SAMTOR: variants seen among roughly 807,000 people sequenced by gnomAD.
SAMTOR encodes the protein S-adenosylmethionine sensor upstream of mTORC1.
the SAMTOR span, among the ~76,000 whole-genome samples, chr7:112,894,553 C>T: frequency 6.6e-6 from 1 of 152,252 alleles, no homozygotes; most frequent in East Asian, 1.9e-4. Flanking sequence ...GGAGGCCTCA[C>T]AATCATGATG....
the SAMTOR span, among the ~76,000 whole-genome samples, chr7:112,914,752 C>A: frequency 6.6e-6 from 1 of 151,890 alleles, no homozygotes; most frequent in Non-Finnish European, 1.5e-5. Flanking sequence ...GTATTAAATG[C>A]ATTTAAAGCC....
chr7:112,865,623 CATAT>C, the SAMTOR span, among the ~76,000 whole-genome samples: 1 of 144,538 alleles, frequency 6.9e-6, no homozygotes, highest in South Asian at 2.1e-4. Context: ...TACATATATT[CATAT>C]ATATATCATA....
At chr7:112,902,423 AAAAAACAAAAAAAAAC>A in the SAMTOR span, among the ~76,000 whole-genome samples, 3 of 104,592 alleles carry the variant, frequency 2.9e-5, 1 homozygote, top group Admixed American at 9.9e-5. Flanking sequence ...TCTCAAAAAA[AAAAAACAAAAAAAAAC>A]AAAAAAAAAC....
At chr7:112,909,426 T>C in the SAMTOR span, among the ~76,000 whole-genome samples, 1 of 152,222 alleles carries the variant, frequency 6.6e-6, no homozygotes, top group African/African-American at 2.4e-5. Flanking sequence ...ATGTAAATGT[T>C]TTATATTCTC....
chr7:112,921,249 A>T, the SAMTOR span, among the ~76,000 whole-genome samples: 1 of 152,204 alleles, frequency 6.6e-6, no homozygotes, highest in Admixed American at 6.5e-5. Flanking sequence ...CAAAACAGAG[A>T]TATAGATCAA....
the SAMTOR span, among the ~76,000 whole-genome samples, chr7:112,912,156 T>C: frequency 6.6e-6 from 1 of 152,170 alleles, no homozygotes; most frequent in East Asian, 1.9e-4. Context: ...GTTGTGGTTA[T>C]GTAGAAAAAT....
At chr7:112,914,376 G>A in the SAMTOR span, among the ~76,000 whole-genome samples, 30 of 148,984 alleles carry the variant, frequency 2.0e-4, no homozygotes, top group Middle Eastern at 0.011. Flanking sequence ...TTTCACCACC[G>A]GGGCAATAAG....
chr7:112,884,565 A>G, the SAMTOR span, among the ~76,000 whole-genome samples: 4 of 152,168 alleles, frequency 2.6e-5, no homozygotes, highest in Admixed American at 6.5e-5. Context: ...GCAGTCATTA[A>G]ACCTCCAAGT....
the SAMTOR span, among the ~76,000 whole-genome samples, chr7:112,851,186 A>AT: frequency 1.3e-5 from 2 of 151,996 alleles, no homozygotes; most frequent in Non-Finnish European, 2.9e-5. Flanking sequence ...TATCAACAAC[A>AT]TTTTTCACCA....
chr7:112,841,071 A>C, the SAMTOR span, among the ~76,000 whole-genome samples: 1 of 152,112 alleles, frequency 6.6e-6, no homozygotes, highest in Non-Finnish European at 1.5e-5. Context: ...AAGTACTGGA[A>C]GTTCTGGCCA....
the SAMTOR span, among the ~76,000 whole-genome samples, chr7:112,861,754 T>C: frequency 6.6e-6 from 1 of 152,188 alleles, no homozygotes; most frequent in South Asian, 2.1e-4. Flanking sequence ...GGTAAGGAAC[T>C]AAATAGTACA....
the SAMTOR span, among the ~76,000 whole-genome samples, chr7:112,854,626 C>T: frequency 1.3e-5 from 2 of 152,154 alleles, no homozygotes; most frequent in Non-Finnish European, 2.9e-5. Context: ...AAAAGCTACA[C>T]AAAGAATGTA....
chr7:112,926,378 C>T, the SAMTOR span, among the ~76,000 whole-genome samples: 1 of 152,136 alleles, frequency 6.6e-6, no homozygotes, highest in Admixed American at 6.5e-5. Flanking sequence ...AAACCTACTA[C>T]CCTACAACTT....
the SAMTOR span, among the ~76,000 whole-genome samples, chr7:112,876,738 A>C: frequency 6.6e-6 from 1 of 152,218 alleles, no homozygotes; most frequent in Non-Finnish European, 1.5e-5. Context: ...GTACTGCAGA[A>C]ACACAGGATG....
the SAMTOR span, among the ~76,000 whole-genome samples, chr7:112,927,266 T>C: frequency 6.6e-6 from 1 of 151,110 alleles, no homozygotes; most frequent in East Asian, 1.9e-4. Context: ...ATTTTAAGGA[T>C]TTTTTTATCA....
the SAMTOR span, among the ~76,000 whole-genome samples, chr7:112,881,905 A>G: frequency 1.3e-5 from 2 of 152,218 alleles, no homozygotes; most frequent in African/African-American, 4.8e-5. Context: ...ATGGCCCCCT[A>G]CCCCGCTTGA....
At chr7:112,907,374 C>T in the SAMTOR span, among the ~76,000 whole-genome samples, 3 of 152,042 alleles carry the variant, frequency 2.0e-5, no homozygotes, top group Non-Finnish European at 4.4e-5. Context: ...GAGAAATCCC[C>T]TAAGTACTAG....
chr7:112,896,748 T>C, the SAMTOR span, among the ~76,000 whole-genome samples: 1 of 152,098 alleles, frequency 6.6e-6, no homozygotes, highest in Admixed American at 6.5e-5. Flanking sequence ...AAAAACATGA[T>C]TGATAAACAG....
At chr7:112,939,861 A>AGGAACCGGAGCGACAGC in the SAMTOR span, 1 of 815,094 alleles carries the variant, frequency 1.2e-6, no homozygotes, top group Non-Finnish European at 1.9e-6. Context: ...GAGGAGGCAG[A>AGGAACCGGAGCGACAGC]GGAACCGGAG....
Sources: gnomAD v4.1 joint callset for allele counts (sites outside exome capture counted in the v4.1 genomes callset) on GRCh38, gnomAD v4.1.1 for gene constraint, MANE v1.5 for transcripts, NCBI Gene and HGNC (gene_info 2026-07-23, HGNC 2026-07-21) for gene names.